Variants in SSUH2 observed in about 807,000 individuals in gnomAD.
The protein encoded by SSUH2 is ssu-2 homolog, also known as protein SSUH2 homolog.
In SSUH2, 47 loss-of-function variants were observed where a neutral mutation model predicts 55.3. The observed-to-expected ratio is 0.85, with a 90% CI of 0.67 to 1.08. SSUH2 has a LOEUF of 1.08. SSUH2 is among the 50% of genes least tolerant of loss of function. The pLI, the probability that SSUH2 is intolerant of heterozygous loss-of-function variation, is 0.00. For missense variants in SSUH2, 535 were observed against 490.7 expected, an observed-to-expected ratio of 1.09 and a Z score of -0.85; for synonymous variants, 212 against 191.5, an observed-to-expected ratio of 1.11 and a Z score of -0.89.
intron 11 of SSUH2, among the ~76,000 whole-genome samples, chr3:8,622,427 C>A (rs528207555): frequency 6.6e-6 from 1 of 152,282 alleles, no homozygotes; most frequent in East Asian, 1.9e-4. Flanking sequence ...AACTTCCCCT[C>A]CTTGGGCCTC....
chr3:8,620,387 A>G (rs1416413537), intron 11 of SSUH2, among the ~76,000 whole-genome samples: 1 of 152,128 alleles, frequency 6.6e-6, no homozygotes, highest in Non-Finnish European at 1.5e-5. Context: ...GCCTCCCGCC[A>G]TGATTGTGAG....
intron 7 of SSUH2, 80 bp downstream of exon 7, chr3:8,629,584 C>A: frequency 7.3e-7 from 1 of 1,360,792 alleles, no homozygotes; most frequent in Non-Finnish European, 1.0e-6. Flanking sequence ...AGCCTCAGGC[C>A]ACCAGCCCAG....
chr3:8,681,273 A>C (rs1705927626), intron 1 of SSUH2, among the ~76,000 whole-genome samples: 1 of 141,010 alleles, frequency 7.1e-6, no homozygotes, highest in African/African-American at 2.7e-5. Context: ...GCAGGGACTG[A>C]CAGCCAGCCC....
At chr3:8,657,637 G>T (rs1418950200) in intron 7 of SSUH2, among the ~76,000 whole-genome samples, 1 of 152,134 alleles carries the variant, frequency 6.6e-6, no homozygotes, top group Admixed American at 6.5e-5. Context: ...TCAAGTACAT[G>T]GAGAAGAGGA....
At chr3:8,620,517 C>T (rs1186760422) in intron 11 of SSUH2, among the ~76,000 whole-genome samples, 1 of 152,216 alleles carries the variant, frequency 6.6e-6, no homozygotes, top group Non-Finnish European at 1.5e-5. Context: ...CTAAACCCTG[C>T]TACAATCTGC....
chr3:8,633,658 C>T lies in SSUH2; in HGVS notation c.339+8G>A. 6.6e-7 allele frequency: 1 copy of T among 1,510,808 alleles called. No individual in the cohort carries two copies. The highest frequency in any genetic ancestry group is 1.3e-5 in the South Asian group (1 of 74,098). 93.6% of individuals were successfully genotyped at this position (1,510,808 alleles called of 1,614,324 possible). A position where few individuals can be genotyped will look rare whatever the true frequency, so the allele number is the denominator to read the frequency against. On this transcript the variant is annotated splice_region_variant and intron_variant, in intron 4 of 11. Coordinates refer to ENST00000544814, the MANE Select transcript of SSUH2 (RefSeq NM_001256748.3). ...GGCCAAGGCCCCCCACCGGCCCTGG[C>T]CTCTCACCCTGCAGAGGGTCTGCCG...
intron 3 of SSUH2, among the ~76,000 whole-genome samples, chr3:8,675,169 G>C (rs1421897380): frequency 6.6e-6 from 1 of 152,210 alleles, no homozygotes; most frequent in Non-Finnish European, 1.5e-5. Flanking sequence ...TTTGCTGCCA[G>C]CTGAGGACAG....
chr3:8,637,892 C>T (rs1027700995), intron 1 of SSUH2, among the ~76,000 whole-genome samples: 3 of 152,100 alleles, frequency 2.0e-5, no homozygotes, highest in African/African-American at 7.2e-5. Flanking sequence ...ATTTAAAGCC[C>T]GTAGTAGCTC....
At chr3:8,625,265 C>T (rs907426772) in intron 10 of SSUH2, among the ~76,000 whole-genome samples, 16 of 150,326 alleles carry the variant, frequency 1.1e-4, no homozygotes, top group African/African-American at 3.4e-4. Flanking sequence ...AGGAAAAGAG[C>T]GAGGAAGAAG....
At chr3:8,648,116 C>T (rs189450572), upstream of SSUH2, among the ~76,000 whole-genome samples, 4 of 152,142 alleles carry the variant, frequency 2.6e-5, no homozygotes, top group African/African-American at 4.8e-5. Flanking sequence ...AAGGGAGATG[C>T]GTTCACAGAT....
intron 4 of SSUH2, 91 bp downstream of exon 4, chr3:8,633,575 G>A (rs1269485576): frequency 9.0e-7 from 1 of 1,106,288 alleles, no homozygotes; most frequent in Non-Finnish European, 1.3e-6. Context: ...CCTTTCCCCT[G>A]GCCACATCAC....
At chr3:8,675,190 T>C (rs1428928176) in intron 3 of SSUH2, among the ~76,000 whole-genome samples, 2 of 152,194 alleles carry the variant, frequency 1.3e-5, no homozygotes, top group East Asian at 3.9e-4. Context: ...CTGGTTCACC[T>C]GCTTGGACCT....
At position 8,670,122 on chromosome 3, in the gene SSUH2, C is replaced by T. The variant is rs549857249; in HGVS notation, c.-455+876G>A. Reference sequence around the variant, plus strand: ...GAGTAGACAAGAGAGGAGGTGAAGACTCGGAAGAAACCCCTCCCTTGGCAG... The same window carrying T: ...GAGTAGACAAGAGAGGAGGTGAAGATTCGGAAGAAACCCCTCCCTTGGCAG... On this transcript the variant is annotated intron_variant, in intron 5 of 18. Coordinates refer to the SSUH2 transcript ENST00000317371. 2.0e-5 allele frequency among the ~76,000 whole-genome samples: 3 copies of T among 152,184 alleles called. No homozygotes were observed. The East Asian group carries it at 5.8e-4, about 29-fold the overall frequency.
chr3:8,668,108 T>C (rs948556108), intron 5 of SSUH2, among the ~76,000 whole-genome samples: 2 of 152,162 alleles, frequency 1.3e-5, no homozygotes, highest in African/African-American at 4.8e-5. Flanking sequence ...GAGAATCTGC[T>C]ACACCCAGCT....
intron 7 of SSUH2, among the ~76,000 whole-genome samples, chr3:8,656,030 T>C (rs1702901998): frequency 6.6e-6 from 1 of 152,008 alleles, no homozygotes; most frequent in Admixed American, 6.5e-5. Flanking sequence ...TTCTAGTTGT[T>C]GGGTGGTTTG....
At chr3:8,651,318 G>A (rs1702376334) in intron 7 of SSUH2, among the ~76,000 whole-genome samples, 1 of 152,184 alleles carries the variant, frequency 6.6e-6, no homozygotes, top group South Asian at 2.1e-4. Flanking sequence ...GCAAGTGAGG[G>A]AAGCCATCAT....
intron 4 of SSUH2, chr3:8,671,230 G>A (rs780914947): frequency 7.3e-5 from 12 of 164,472 alleles, no homozygotes; most frequent in South Asian, 1.7e-4. Flanking sequence ...AACATTGCAC[G>A]TAACATCACT....
intron 7 of SSUH2, among the ~76,000 whole-genome samples, chr3:8,628,299 T>C (rs1698017460): frequency 6.6e-6 from 1 of 152,056 alleles, no homozygotes; most frequent in Admixed American, 6.5e-5. Flanking sequence ...GAGAAGACAG[T>C]TCACGGTAGC....
exon 6 of SSUH2, chr3:8,663,790 G>A (rs1172091374): frequency 4.4e-6 from 2 of 456,668 alleles, no homozygotes; most frequent in East Asian, 1.4e-4. Context: ...TACCACAGGG[G>A]ACACACAGGT....
Sources: gnomAD v4.1 joint callset for allele counts (sites outside exome capture counted in the v4.1 genomes callset) on GRCh38, gnomAD v4.1.1 for gene constraint, MANE v1.5 for transcripts, NCBI Gene and HGNC (gene_info 2026-07-23, HGNC 2026-07-21) for gene names.